Variants in TNR observed in about 807,000 individuals in gnomAD.
TNR encodes tenascin-R.
In TNR, 45 loss-of-function variants were observed where a neutral mutation model predicts 150.4. That is an observed-to-expected ratio of 0.30 (90% CI 0.24 to 0.38). The LOEUF (loss-of-function observed/expected upper bound fraction) is 0.38. Ranked by LOEUF, TNR falls within the 10% of genes least tolerant of loss-of-function variation. The pLI is 1.00. For missense variants in TNR, 1,544 were observed against 1,759.1 expected (o/e 0.88, Z 2.19); for synonymous variants, 687 against 678.4 (o/e 1.01, Z -0.20).
chr1:175,707,873 A>C (rs1213580664), intron 1 of TNR, among the ~76,000 whole-genome samples: 1 of 152,184 alleles, frequency 6.6e-6, no homozygotes, highest in Non-Finnish European at 1.5e-5. Flanking sequence ...GACTTCAAGT[A>C]ATTGCCTAGG....
At chr1:175,732,410 C>T (rs1362688355) in intron 1 of TNR, among the ~76,000 whole-genome samples, 1 of 152,118 alleles carries the variant, frequency 6.6e-6, no homozygotes, top group South Asian at 2.1e-4. Context: ...GAAGGAAAAC[C>T]CATTTAAGAA....
intron 1 of TNR, among the ~76,000 whole-genome samples, chr1:175,709,341 A>G (rs967810962): frequency 1.3e-5 from 2 of 151,652 alleles, no homozygotes; most frequent in Admixed American, 6.6e-5. Flanking sequence ...ACACACACAC[A>G]CGCACTTCCA....
intron 1 of TNR, among the ~76,000 whole-genome samples, chr1:175,710,216 G>C (rs1375200812): frequency 6.6e-6 from 1 of 152,128 alleles, no homozygotes; most frequent in Admixed American, 6.5e-5. Flanking sequence ...CAGGCCTAGA[G>C]TGATGGCAAA....
intron 1 of TNR, among the ~76,000 whole-genome samples, chr1:175,709,106 C>A (rs576467835): frequency 6.6e-6 from 1 of 152,148 alleles, no homozygotes; most frequent in African/African-American, 2.4e-5. Context: ...ACAGATGGAT[C>A]TTTGCTGTTG....
At chr1:175,524,882 C>T (rs140233759) in intron 2 of TNR, among the ~76,000 whole-genome samples, 34 of 152,300 alleles carry the variant, frequency 2.2e-4, no homozygotes, top group African/African-American at 8.2e-4. Context: ...CACAATGGCA[C>T]AGAATGCTTA....
intron 8 of TNR, among the ~76,000 whole-genome samples, chr1:175,380,175 C>T (rs1652605071): frequency 6.6e-6 from 1 of 152,122 alleles, no homozygotes; most frequent in Non-Finnish European, 1.5e-5. Flanking sequence ...GTGTAAGGTG[C>T]CTTCCTCTGT....
At chr1:175,686,408 A>G (rs1468620690) in intron 1 of TNR, among the ~76,000 whole-genome samples, 1 of 152,240 alleles carries the variant, frequency 6.6e-6, no homozygotes, top group African/African-American at 2.4e-5. Flanking sequence ...TAATTTGAAG[A>G]CTGCGTATAG....
At chr1:175,456,556 T>C (rs1311707519) in intron 2 of TNR, among the ~76,000 whole-genome samples, 1 of 152,228 alleles carries the variant, frequency 6.6e-6, no homozygotes, top group East Asian at 1.9e-4. Context: ...CTGGCCTCCT[T>C]AATGAAATAT....
At chr1:175,714,601 T>G (rs1349467033) in intron 1 of TNR, among the ~76,000 whole-genome samples, 1 of 152,028 alleles carries the variant, frequency 6.6e-6, no homozygotes, top group East Asian at 1.9e-4. Context: ...CACTGAACCA[T>G]CCCCCGTTTT....
chr1:175,409,131 C>G (rs1654092643), intron 2 of TNR, among the ~76,000 whole-genome samples: 1 of 152,236 alleles, frequency 6.6e-6, no homozygotes, highest in Admixed American at 6.5e-5. Context: ...CACTTCTACC[C>G]TCCTATCATT....
chr1:175,491,475 C>G (rs964780764), intron 2 of TNR, among the ~76,000 whole-genome samples: 2 of 152,026 alleles, frequency 1.3e-5, no homozygotes, highest in Admixed American at 1.3e-4. Flanking sequence ...TACCTGCTTA[C>G]AGGGAGAAAG....
chr1:175,490,938 T>C (rs952798792), intron 2 of TNR, among the ~76,000 whole-genome samples: 1 of 152,244 alleles, frequency 6.6e-6, no homozygotes, highest in African/African-American at 2.4e-5. Flanking sequence ...ATTGCAGCAC[T>C]ATTCACAATA....
intron 2 of TNR, among the ~76,000 whole-genome samples, chr1:175,468,375 A>C (rs1006813878): frequency 2.6e-5 from 4 of 152,226 alleles, no homozygotes; most frequent in South Asian, 2.1e-4. Flanking sequence ...CATTGAAGGC[A>C]TCTGGCATAA....
At chr1:175,703,435 G>A (rs1666757131) in intron 1 of TNR, among the ~76,000 whole-genome samples, 1 of 152,184 alleles carries the variant, frequency 6.6e-6, no homozygotes, top group Admixed American at 6.5e-5. Context: ...CAATGAATGA[G>A]CAAATCAATG....
intron 1 of TNR, among the ~76,000 whole-genome samples, chr1:175,686,088 G>C (rs971935801): frequency 1.3e-5 from 2 of 151,742 alleles, no homozygotes; most frequent in Non-Finnish European, 1.5e-5. Flanking sequence ...TTTTCAATAA[G>C]AAGGAAAAAA....
At chr1:175,391,936 C>T (rs1557903501) in intron 6 of TNR, among the ~76,000 whole-genome samples, 1 of 152,176 alleles carries the variant, frequency 6.6e-6, no homozygotes, top group East Asian at 1.9e-4. Context: ...GTTTATGAGC[C>T]AGAGCTAATA....
rs1352878852 is a variant in TNR, at chr1:175,337,548, T to C, written c.3514A>G (p.Thr1172Ala). The C allele has an allele frequency of 1.9e-6, 3 of 1,613,506 alleles. No homozygotes were observed. The highest frequency in any genetic ancestry group is 1.3e-5 in the African/African-American group (1 of 75,004). Residue 1172 changes from threonine to alanine, a missense_variant, in exon 19 of 23, where the codon ACC (threonine) becomes GCC (alanine). By Grantham distance (58) the Thr-to-Ala change is moderately conservative. This residue lies in a region of TNR where 290 missense variants were observed against 429.7 expected (regional missense o/e 0.67). Coordinates refer to ENST00000367674, the MANE Select transcript of TNR (RefSeq NM_003285.3). Reference sequence around the variant, plus strand: ...CTTACAATCCAGCCGCCCCCGTCGGTGGTCATATCACAGTACACTTGTAAT... The same window carrying C: ...CTTACAATCCAGCCGCCCCCGTCGGCGGTCATATCACAGTACACTTGTAAT... ...QKLQVYCDMT[T>A]DGGGWIVFQR...
intron 1 of TNR, among the ~76,000 whole-genome samples, chr1:175,654,967 C>T (rs531692765): frequency 6.6e-6 from 1 of 152,136 alleles, no homozygotes; most frequent in Non-Finnish European, 1.5e-5. Flanking sequence ...CGTGATCCGC[C>T]CACCTCAGCC....
chr1:175,742,846 G>A (rs1667968349), intron 1 of TNR, among the ~76,000 whole-genome samples: 1 of 151,976 alleles, frequency 6.6e-6, no homozygotes, highest in Non-Finnish European at 1.5e-5. Context: ...TAAAGAAGGT[G>A]CACGACTAAT....
Sources: allele counts gnomAD v4.1 joint callset (sites outside exome capture counted in the v4.1 genomes callset), GRCh38; gene constraint gnomAD v4.1.1; regional missense constraint gnomAD v4.1.1; transcripts MANE v1.5; gene names NCBI Gene and HGNC (gene_info 2026-07-23, HGNC 2026-07-21).